Variants in LRP1B observed in about 807,000 individuals in gnomAD.
LRP1B encodes the protein low-density lipoprotein receptor-related protein 1B.
Under a neutral mutation model 556.6 loss-of-function variants are expected in LRP1B, and 217 were observed. That is an observed-to-expected ratio of 0.39 (90% confidence interval 0.35 to 0.44). LRP1B has a LOEUF of 0.44. LRP1B is among the 20% of genes least tolerant of loss of function. LRP1B has a pLI of 1.00. For synonymous variants in LRP1B, 2,047 were observed against 1,865.8 expected, an observed-to-expected ratio of 1.10 and a Z score of -2.50; for missense variants, 5,053 against 5,620.8, an observed-to-expected ratio of 0.90 and a Z score of 3.23.
At chr2:140,987,966 A>T (rs1259566745) in intron 17 of LRP1B, among the ~76,000 whole-genome samples, 1 of 152,148 alleles carries the variant, frequency 6.6e-6, no homozygotes, top group African/African-American at 2.4e-5. Flanking sequence ...CTTGGGAGAC[A>T]GAGCAAGACT....
intron 1 of LRP1B, among the ~76,000 whole-genome samples, chr2:141,869,232 G>C (rs899283658): frequency 1.3e-5 from 2 of 152,040 alleles, no homozygotes; most frequent in Non-Finnish European, 2.9e-5. Context: ...CTATTGAGCA[G>C]CTGAAATATG....
intron 2 of LRP1B, among the ~76,000 whole-genome samples, chr2:141,689,742 T>G (rs1398757859): frequency 6.6e-6 from 1 of 151,806 alleles, no homozygotes; most frequent in Non-Finnish European, 1.5e-5. Context: ...TTTAATTTAG[T>G]ACACATTTAA....
intron 3 of LRP1B, among the ~76,000 whole-genome samples, chr2:141,274,146 T>A (rs1048698008): frequency 6.6e-6 from 1 of 152,198 alleles, no homozygotes; most frequent in Non-Finnish European, 1.5e-5. Flanking sequence ...TTGGAACCCA[T>A]GTTGGCAGTT....
chr2:142,009,805 A>T (rs753655189), intron 1 of LRP1B, among the ~76,000 whole-genome samples: 1 of 152,104 alleles, frequency 6.6e-6, no homozygotes, highest in East Asian at 1.9e-4. Context: ...TATATTGTAT[A>T]TAGAAATAAT....
At chr2:141,428,720 A>G (rs1421970252) in intron 3 of LRP1B, among the ~76,000 whole-genome samples, 1 of 152,216 alleles carries the variant, frequency 6.6e-6, no homozygotes, top group African/African-American at 2.4e-5. Context: ...CCAGAAGGCT[A>G]TGGATCTGAC....
At chr2:140,491,079 C>A (rs922274000) in intron 57 of LRP1B, among the ~76,000 whole-genome samples, 35 of 152,040 alleles carry the variant, frequency 2.3e-4, no homozygotes, top group African/African-American at 8.4e-4. Flanking sequence ...AGGAAAAAAT[C>A]ATTTTGTTCC....
intron 7 of LRP1B, among the ~76,000 whole-genome samples, chr2:141,067,898 T>A (rs752698683): frequency 1.3e-5 from 2 of 151,828 alleles, no homozygotes; most frequent in Non-Finnish European, 2.9e-5. Context: ...CATATCAAAG[T>A]AAAGGGGCTA....
intron 18 of LRP1B, among the ~76,000 whole-genome samples, chr2:140,969,187 G>A (rs1405740876): frequency 2.0e-5 from 3 of 152,142 alleles, no homozygotes; most frequent in Non-Finnish European, 4.4e-5. Flanking sequence ...AGGTCTCTAA[G>A]GACTTGCTTT....
At chr2:141,339,739 G>GA (rs1438234876) in intron 3 of LRP1B, among the ~76,000 whole-genome samples, 1 of 149,686 alleles carries the variant, frequency 6.7e-6, no homozygotes, top group Admixed American at 6.7e-5. Context: ...TTGGCCCAGA[G>GA]AAGAGTCATG....
intron 1 of LRP1B, among the ~76,000 whole-genome samples, chr2:142,127,881 C>T (rs1707710858): frequency 6.6e-6 from 1 of 152,024 alleles, no homozygotes. Flanking sequence ...TTAAGATATA[C>T]TTCCTTTTAA....
At chr2:140,351,632 A>G (rs1381662635) in intron 76 of LRP1B, among the ~76,000 whole-genome samples, 2 of 152,228 alleles carry the variant, frequency 1.3e-5, no homozygotes, top group East Asian at 1.9e-4. Flanking sequence ...TGACACCTAC[A>G]ATAGAGTACT....
chr2:141,822,858 G>A (rs908082347), intron 1 of LRP1B, among the ~76,000 whole-genome samples: 4 of 152,082 alleles, frequency 2.6e-5, no homozygotes, highest in Non-Finnish European at 5.9e-5. Flanking sequence ...TTAGTAAAGC[G>A]GTGGGCAAAA....
At chr2:141,561,886 A>T (rs893662169) in intron 2 of LRP1B, among the ~76,000 whole-genome samples, 2 of 151,458 alleles carry the variant, frequency 1.3e-5, no homozygotes, top group Non-Finnish European at 1.5e-5. Context: ...GCTTATTTTT[A>T]AAAAATATTT....
intron 3 of LRP1B, among the ~76,000 whole-genome samples, chr2:141,474,506 A>T (rs930724731): frequency 6.6e-6 from 1 of 152,204 alleles, no homozygotes; most frequent in African/African-American, 2.4e-5. Context: ...AGAAGTTATC[A>T]TCTAAATTAA....
chr2:141,025,771 C>T (rs1698200962), intron 11 of LRP1B, among the ~76,000 whole-genome samples: 1 of 152,004 alleles, frequency 6.6e-6, no homozygotes, highest in Non-Finnish European at 1.5e-5. Context: ...TGTTCTGTTT[C>T]TCTAGAGAAT....
chr2:141,578,067 A>T (rs577072333), intron 2 of LRP1B, among the ~76,000 whole-genome samples: 1 of 152,158 alleles, frequency 6.6e-6, no homozygotes, highest in African/African-American at 2.4e-5. Flanking sequence ...AACGGGGGAA[A>T]AAATAGATCA....
intron 1 of LRP1B, among the ~76,000 whole-genome samples, chr2:142,110,674 T>A (rs1366882093): frequency 3.9e-5 from 6 of 152,184 alleles, no homozygotes; most frequent in African/African-American, 1.4e-4. Context: ...AGTTCATTAA[T>A]TATATTCATA....
At chr2:140,300,732 TTGTA>T (rs1270715863) in intron 83 of LRP1B, among the ~76,000 whole-genome samples, 1 of 152,118 alleles carries the variant, frequency 6.6e-6, no homozygotes, top group Non-Finnish European at 1.5e-5. Flanking sequence ...AAATATGTGT[TTGTA>T]TCCCTGTCTA....
At chr2:141,088,358 G>A (rs1226825399) in intron 7 of LRP1B, among the ~76,000 whole-genome samples, 1 of 151,982 alleles carries the variant, frequency 6.6e-6, no homozygotes, top group Non-Finnish European at 1.5e-5. Flanking sequence ...TTTCTTTATA[G>A]AAGCAGGTTT....
Sources: gnomAD v4.1 joint callset for allele counts (sites outside exome capture counted in the v4.1 genomes callset) on GRCh38, gnomAD v4.1.1 for gene constraint, MANE v1.5 for transcripts, NCBI Gene and HGNC (gene_info 2026-07-23, HGNC 2026-07-21) for gene names.